The following APBB2 variants were observed in gnomAD, a reference collection of about 807,000 sequenced individuals.
APBB2 encodes the protein amyloid beta precursor protein binding family B member 2, also known as Fe65-like 1.
A neutral mutation model predicts 82.5 loss-of-function variants in APBB2; 38 were observed. The observed-to-expected ratio is 0.46, with a 90% confidence interval of 0.36 to 0.60. APBB2 has a LOEUF of 0.60. APBB2 is among the 20% of genes least tolerant of loss of function. APBB2 has a pLI of 0.00. For missense variants in APBB2, 772 were observed against 972.3 expected, an observed-to-expected ratio of 0.79 and a Z score of 2.74; for synonymous variants, 341 against 368.2, an observed-to-expected ratio of 0.93 and a Z score of 0.85.
At chr4:41,059,613 TAAGGGC>T (rs1230718076) in intron 4 of APBB2, among the ~76,000 whole-genome samples, 2 of 152,398 alleles carry the variant, frequency 1.3e-5, no homozygotes, top group African/African-American at 4.8e-5. Context: ...ATTTATGCCT[TAAGGGC>T]ATGTTCCTGC....
chr4:40,916,816 A>G (rs2154365857), intron 10 of APBB2, among the ~76,000 whole-genome samples: 1 of 151,764 alleles, frequency 6.6e-6, no homozygotes, highest in African/African-American at 2.4e-5. Context: ...AAGCAACCGC[A>G]GGTGAGATCC....
At chr4:41,152,952 A>AG (rs755727020) in intron 1 of APBB2, among the ~76,000 whole-genome samples, 5 of 152,222 alleles carry the variant, frequency 3.3e-5, no homozygotes, top group Non-Finnish European at 7.3e-5. Context: ...GCTTGGGACC[A>AG]GAAGTGTTTT....
At chr4:40,986,738 T>A (rs1458123386) in intron 6 of APBB2, among the ~76,000 whole-genome samples, 1 of 152,300 alleles carries the variant, frequency 6.6e-6, no homozygotes, top group South Asian at 2.1e-4. Flanking sequence ...GCCACCTAAA[T>A]AGCAAAGTCC....
At chr4:41,113,479 C>A (rs1200155739) in intron 2 of APBB2, among the ~76,000 whole-genome samples, 2 of 152,080 alleles carry the variant, frequency 1.3e-5, no homozygotes, top group African/African-American at 4.8e-5. Context: ...ATTGAAAGTT[C>A]TGGCCAGGGC....
At chr4:41,052,859 G>C (rs1398768085) in intron 4 of APBB2, among the ~76,000 whole-genome samples, 1 of 151,590 alleles carries the variant, frequency 6.6e-6, no homozygotes, top group Non-Finnish European at 1.5e-5. Context: ...TGCCTCCTGG[G>C]TTCAAGCGAT....
intron 10 of APBB2, among the ~76,000 whole-genome samples, chr4:40,903,330 G>T (rs1775848410): frequency 6.6e-6 from 1 of 151,560 alleles, no homozygotes; most frequent in Non-Finnish European, 1.5e-5. Flanking sequence ...AGCTGAGTGT[G>T]GTGGCAGGTG....
intron 17 of APBB2, among the ~76,000 whole-genome samples, chr4:40,816,914 G>T (rs563995261): frequency 3.3e-5 from 5 of 152,000 alleles, no homozygotes; most frequent in Non-Finnish European, 7.4e-5. Flanking sequence ...CAAGATACAT[G>T]GTACATACAA....
intron 1 of APBB2, among the ~76,000 whole-genome samples, chr4:41,185,299 T>C (rs547343553): frequency 1.3e-5 from 2 of 152,350 alleles, no homozygotes; most frequent in African/African-American, 2.4e-5. Context: ...CACATTGCTA[T>C]TGATTTCAGA....
intron 1 of APBB2, among the ~76,000 whole-genome samples, chr4:41,176,344 C>T (rs540566289): frequency 6.6e-6 from 1 of 151,972 alleles, no homozygotes; most frequent in Non-Finnish European, 1.5e-5. Context: ...TATATCTACA[C>T]CCAATTCCCA....
chr4:40,822,825 G>A (rs1748464539), intron 16 of APBB2, among the ~76,000 whole-genome samples: 1 of 152,214 alleles, frequency 6.6e-6, no homozygotes, highest in Admixed American at 6.5e-5. Context: ...TTCTCAGGAG[G>A]AAGGAGGCTG....
At chr4:40,996,290 A>G (rs927629656) in intron 6 of APBB2, among the ~76,000 whole-genome samples, 4 of 152,244 alleles carry the variant, frequency 2.6e-5, no homozygotes, top group Non-Finnish European at 4.4e-5. Flanking sequence ...TTAAACCATT[A>G]TAAGTATTTC....
chr4:41,160,586 A>C (rs1367554342), intron 1 of APBB2, among the ~76,000 whole-genome samples: 1 of 152,118 alleles, frequency 6.6e-6, no homozygotes, highest in African/African-American at 2.4e-5. Flanking sequence ...GACTCAATCC[A>C]TCAGCCTCCA....
chr4:41,137,755 T>C (rs1006805775), intron 2 of APBB2, among the ~76,000 whole-genome samples: 1 of 152,170 alleles, frequency 6.6e-6, no homozygotes, highest in African/African-American at 2.4e-5. Context: ...AGTCACTGGT[T>C]AGCCTTTTCT....
intron 17 of APBB2, among the ~76,000 whole-genome samples, chr4:40,820,871 T>A (rs952193280): frequency 2.0e-5 from 3 of 151,354 alleles, no homozygotes; most frequent in African/African-American, 7.3e-5. Flanking sequence ...CTCATATAGC[T>A]CCCTCATTTT....
intron 12 of APBB2, among the ~76,000 whole-genome samples, chr4:40,839,228 C>T (rs576800245): frequency 5.3e-5 from 8 of 152,016 alleles, no homozygotes; most frequent in East Asian, 3.9e-4. Context: ...CAGGCATGTG[C>T]CACCACACCT....
At chr4:40,904,383 A>G (rs990527132) in intron 10 of APBB2, among the ~76,000 whole-genome samples, 43 of 152,216 alleles carry the variant, frequency 2.8e-4, no homozygotes, top group African/African-American at 1.0e-3. Flanking sequence ...GTAAGCCGAG[A>G]TGGCGCCACT....
chr4:40,908,494 C>T (rs1243962884), intron 10 of APBB2, among the ~76,000 whole-genome samples: 4 of 152,076 alleles, frequency 2.6e-5, no homozygotes, highest in Admixed American at 6.5e-5. Context: ...AGAGGGAGGC[C>T]GGCATCCCCA....
intron 15 of APBB2, 43 bp downstream of exon 15, chr4:40,825,844 C>G: frequency 1.3e-6 from 2 of 1,555,448 alleles, no homozygotes; most frequent in Non-Finnish European, 1.8e-6. Context: ...CTGTGAGCTC[C>G]CGCACACTTG....
At chr4:41,094,345 T>C (rs1742787547) in intron 3 of APBB2, among the ~76,000 whole-genome samples, 1 of 152,236 alleles carries the variant, frequency 6.6e-6, no homozygotes, top group Non-Finnish European at 1.5e-5. Context: ...TACTCTTCGC[T>C]TCAGTCTTTG....
Sources: allele counts gnomAD v4.1 joint callset (sites outside exome capture counted in the v4.1 genomes callset), GRCh38; gene constraint gnomAD v4.1.1; transcripts MANE v1.5; gene names NCBI Gene and HGNC (gene_info 2026-07-23, HGNC 2026-07-21).